Variants in EYS observed in about 807,000 individuals in gnomAD.
EYS encodes EGF-like photoreceptor maintenance factor.
Under a neutral mutation model 282.1 loss-of-function variants are expected in EYS, and 250 were observed. That is an observed-to-expected ratio of 0.89 (90% CI 0.80 to 0.98). The LOEUF (loss-of-function observed/expected upper bound fraction) is 0.98, where lower values mean the gene tolerates loss of function less well. EYS is among the 50% of genes least tolerant of loss of function. EYS has a pLI of 0.00. For missense variants in EYS, 4,016 were observed against 3,709.0 expected, an observed-to-expected ratio of 1.08 and a Z score of -2.15; for synonymous variants, 1,355 against 1,282.9, an observed-to-expected ratio of 1.06 and a Z score of -1.20.
At chr6:64,626,319 C>G (rs1418860226) in intron 22 of EYS, 74 bp from the exon 23 acceptor site, 1 of 1,471,334 alleles carries the variant, frequency 6.8e-7, no homozygotes, top group African/African-American at 1.5e-5. Context: ...TCTTGGGATT[C>G]CATCATTCAA....
chr6:64,094,237 C>T (rs893917571), intron 31 of EYS, among the ~76,000 whole-genome samples: 1 of 152,056 alleles, frequency 6.6e-6, no homozygotes, highest in Admixed American at 6.5e-5. Context: ...GTGTCTTTGC[C>T]TGGCTTTGGT....
intron 22 of EYS, among the ~76,000 whole-genome samples, chr6:64,751,978 T>C (rs1405927539): frequency 1.3e-5 from 2 of 152,046 alleles, no homozygotes; most frequent in African/African-American, 4.8e-5. Flanking sequence ...TCCTCAAGGA[T>C]GTGACTCATT....
intron 22 of EYS, among the ~76,000 whole-genome samples, chr6:64,665,851 C>G (rs1298778728): frequency 6.6e-6 from 1 of 152,108 alleles, no homozygotes; most frequent in African/African-American, 2.4e-5. Context: ...AAGAGAATGC[C>G]CGATTTTCCT....
At chr6:64,837,534 C>G (rs1481267322) in intron 19 of EYS, among the ~76,000 whole-genome samples, 2 of 149,632 alleles carry the variant, frequency 1.3e-5, no homozygotes, top group Non-Finnish European at 3.0e-5. Flanking sequence ...AAGAGTAAGT[C>G]AAATTGTCCC....
At chr6:64,629,156 G>A (rs1350346940) in intron 22 of EYS, among the ~76,000 whole-genome samples, 1 of 151,958 alleles carries the variant, frequency 6.6e-6, no homozygotes, top group Non-Finnish European at 1.5e-5. Context: ...TGTTTTGAAG[G>A]GCATTGGTCA....
At chr6:64,503,804 A>C (rs116767836) in intron 26 of EYS, among the ~76,000 whole-genome samples, 2,228 of 152,300 alleles carry the variant, frequency 0.015, 42 homozygotes, top group African/African-American at 0.043. Context: ...TAATCCCTAC[A>C]TATCAGGGGA....
intron 22 of EYS, among the ~76,000 whole-genome samples, chr6:64,686,310 T>G (rs1486363632): frequency 6.6e-6 from 1 of 151,736 alleles, no homozygotes; most frequent in Non-Finnish European, 1.5e-5. Flanking sequence ...ATAAGAGAAA[T>G]CTTTTATAAA....
chr6:64,103,051 G>A (rs1016485070), intron 31 of EYS, among the ~76,000 whole-genome samples: 3 of 152,002 alleles, frequency 2.0e-5, no homozygotes, highest in Non-Finnish European at 4.4e-5. Flanking sequence ...ATGATAGGTA[G>A]AGAAAAAAGA....
intron 33 of EYS, 98 bp from the exon 34 acceptor site, chr6:63,999,281 TA>T: frequency 1.3e-6 from 1 of 777,508 alleles, no homozygotes; most frequent in Non-Finnish European, 2.2e-6. Flanking sequence ...TTGAGAGAGG[TA>T]CTTTCTGGAT....
intron 22 of EYS, among the ~76,000 whole-genome samples, chr6:64,660,913 T>A (rs1169294474): frequency 8.5e-5 from 13 of 152,054 alleles, no homozygotes; most frequent in East Asian, 5.8e-4. Context: ...GAAACAAAAA[T>A]GAGCCCGCAT....
intron 2 of EYS, among the ~76,000 whole-genome samples, chr6:65,553,281 G>A (rs1768667836): frequency 6.6e-6 from 1 of 152,160 alleles, no homozygotes; most frequent in South Asian, 2.1e-4. Flanking sequence ...AGAAATGTCA[G>A]TGTAGGCAAC....
At chr6:64,523,104 G>A (rs546584004) in intron 26 of EYS, among the ~76,000 whole-genome samples, 89 of 151,526 alleles carry the variant, frequency 5.9e-4, no homozygotes, top group African/African-American at 2.0e-3. Context: ...TTTAAACAGA[G>A]CTATTTGAGC....
At chr6:64,495,572 C>T (rs970924926) in intron 26 of EYS, among the ~76,000 whole-genome samples, 1 of 151,826 alleles carries the variant, frequency 6.6e-6, no homozygotes, top group African/African-American at 2.4e-5. Flanking sequence ...GTGTGCTGTG[C>T]TTGGTGGCTT....
Position 64,947,653 on chromosome 6 carries a change from CTT to C in EYS, c.2260-1741_2260-1740del, listed in dbSNP as rs67440131. Among the ~76,000 whole-genome samples, 480 of 129,300 alleles carry C rather than the reference CTT, an allele frequency of 3.7e-3. 5 individuals carry two copies. The highest frequency in any genetic ancestry group is 0.012 in the African/African-American group (435 of 35,538). The allele number at this position is 129,300 out of a possible 152,430, so 84.8% of individuals were successfully genotyped here. ...ATTGGTTGCGTTTGGCTTATTTTTT[CTT>C]TTTTTTTTTTTTTGTAAACATTAAA... is the stretch of plus-strand genomic sequence containing the variant. On this transcript the variant is annotated intron_variant, in intron 14 of 42. Coordinates refer to ENST00000503581, the MANE Select transcript of EYS (RefSeq NM_001142800.2).
chr6:65,071,261 C>G (rs1284234162), intron 12 of EYS, among the ~76,000 whole-genome samples: 2 of 151,712 alleles, frequency 1.3e-5, no homozygotes, highest in Non-Finnish European at 2.9e-5. Flanking sequence ...TTTAAATCCA[C>G]TCTAGAGAGC....
At chr6:65,693,962 T>C (rs988501293) in intron 1 of EYS, among the ~76,000 whole-genome samples, 1 of 150,344 alleles carries the variant, frequency 6.7e-6, no homozygotes, top group Non-Finnish European at 1.5e-5. Context: ...CTGATTTTGA[T>C]GCTATAGTCA....
chr6:64,253,120 T>C (rs1562273448), intron 30 of EYS, among the ~76,000 whole-genome samples: 1 of 152,142 alleles, frequency 6.6e-6, no homozygotes, highest in Non-Finnish European at 1.5e-5. Context: ...ATGGTTTAGC[T>C]TCTGGAAATA....
At chr6:65,174,014 T>C (rs184241803) in intron 12 of EYS, among the ~76,000 whole-genome samples, 15 of 151,270 alleles carry the variant, frequency 9.9e-5, no homozygotes, top group African/African-American at 3.4e-4. Context: ...TTCATAAAGA[T>C]TGAATAAAAT....
chr6:64,559,896 T>C (rs1334069270), intron 26 of EYS, among the ~76,000 whole-genome samples: 1 of 152,090 alleles, frequency 6.6e-6, no homozygotes, highest in Admixed American at 6.6e-5. Flanking sequence ...TTTTTTCTGC[T>C]CCCCTTCCTC....
Sources: allele counts gnomAD v4.1 joint callset (sites outside exome capture counted in the v4.1 genomes callset), GRCh38; gene constraint gnomAD v4.1.1; transcripts MANE v1.5; gene names NCBI Gene and HGNC (gene_info 2026-07-23, HGNC 2026-07-21).